NELL1: variants seen among roughly 807,000 people sequenced by gnomAD.
The protein encoded by NELL1 is protein kinase C-binding protein NELL1.
Under a neutral mutation model 107.4 loss-of-function variants are expected in NELL1, and 76 were observed. The observed-to-expected ratio is 0.71, with a 90% CI of 0.59 to 0.86. The LOEUF (loss-of-function observed/expected upper bound fraction) is 0.86, where lower values mean the gene tolerates loss of function less well. Ranked by LOEUF, NELL1 falls within the 40% of genes least tolerant of loss-of-function variation. NELL1 has a pLI of 0.00. For missense variants in NELL1, 1,024 were observed against 1,005.5 expected, an observed-to-expected ratio of 1.02 and a Z score of -0.25; for synonymous variants, 353 against 341.2, an observed-to-expected ratio of 1.03 and a Z score of -0.38.
At chr11:21,531,984 C>T (rs538345897) in intron 15 of NELL1, among the ~76,000 whole-genome samples, 11 of 152,154 alleles carry the variant, frequency 7.2e-5, no homozygotes, top group South Asian at 2.1e-4. Flanking sequence ...ACAGTGAAAA[C>T]GTGAGCCCCT....
chr11:20,673,953 A>G (rs1183141524), intron 1 of NELL1, among the ~76,000 whole-genome samples: 1 of 152,094 alleles, frequency 6.6e-6, no homozygotes, highest in Non-Finnish European at 1.5e-5. Flanking sequence ...GCAAAATGCT[A>G]TCCTTTATAC....
intron 5 of NELL1, among the ~76,000 whole-genome samples, chr11:20,891,704 G>A (rs1441186046): frequency 1.3e-5 from 2 of 152,104 alleles, no homozygotes. Flanking sequence ...AAAGGCAGGG[G>A]TTGGAATCCT....
intron 2 of NELL1, among the ~76,000 whole-genome samples, chr11:20,698,525 T>G (rs1854681753): frequency 6.6e-6 from 1 of 152,224 alleles, no homozygotes; most frequent in Non-Finnish European, 1.5e-5. Context: ...AATTGCTTCA[T>G]CTCTTAAATG....
chr11:21,287,298 A>C (rs1849146103), intron 14 of NELL1, among the ~76,000 whole-genome samples: 1 of 151,884 alleles, frequency 6.6e-6, no homozygotes, highest in African/African-American at 2.4e-5. Flanking sequence ...AATTTCTCTT[A>C]CTGCAAGTAT....
At chr11:21,365,050 T>C (rs1174943176) in intron 14 of NELL1, among the ~76,000 whole-genome samples, 2 of 152,210 alleles carry the variant, frequency 1.3e-5, no homozygotes, top group Non-Finnish European at 2.9e-5. Flanking sequence ...CCATCTCAAA[T>C]GCTAGCTGTT....
intron 4 of NELL1, among the ~76,000 whole-genome samples, chr11:20,851,335 T>A (rs1590348800): frequency 6.6e-6 from 1 of 152,326 alleles, no homozygotes; most frequent in Non-Finnish European, 1.5e-5. Context: ...TTTCTCCTTG[T>A]TTCAGCTGTT....
chr11:21,030,238 G>A (rs1852919931), intron 12 of NELL1, among the ~76,000 whole-genome samples: 1 of 152,152 alleles, frequency 6.6e-6, no homozygotes, highest in African/African-American at 2.4e-5. Flanking sequence ...AACTGTAGAT[G>A]GCCAGGAAGG....
intron 1 of NELL1, 71 bp from the exon 2 acceptor site, chr11:20,677,861 C>T (rs1027926992): frequency 4.0e-5 from 63 of 1,580,206 alleles, no homozygotes; most frequent in African/African-American, 2.2e-4. Context: ...TGCCACTCCC[C>T]GACTCTGTAA....
chr11:20,692,937 C>A (rs1238497119), intron 2 of NELL1, among the ~76,000 whole-genome samples: 1 of 152,098 alleles, frequency 6.6e-6, no homozygotes, highest in East Asian at 1.9e-4. Flanking sequence ...CTTTGTGGGT[C>A]ATTCAGGACT....
intron 16 of NELL1, among the ~76,000 whole-genome samples, chr11:21,540,306 C>A (rs1479053536): frequency 6.6e-6 from 1 of 152,104 alleles, no homozygotes; most frequent in East Asian, 1.9e-4. Context: ...TATGTTTGAA[C>A]CCATTGACCA....
At chr11:20,937,645 T>G (rs1850754587) in intron 9 of NELL1, 141 bp from the exon 10 acceptor site, 6 of 646,762 alleles carry the variant, frequency 9.3e-6, no homozygotes. Context: ...CACAATTCCT[T>G]TCACTTTAGA....
chr11:21,188,114 A>G (rs572696053), intron 13 of NELL1, among the ~76,000 whole-genome samples: 2 of 152,004 alleles, frequency 1.3e-5, no homozygotes, highest in African/African-American at 4.8e-5. Flanking sequence ...AAAGAATTGC[A>G]TCATCCCTTT....
chr11:21,528,502 C>A (rs1237785836), intron 15 of NELL1, among the ~76,000 whole-genome samples: 4 of 92,796 alleles, frequency 4.3e-5, no homozygotes, highest in Admixed American at 1.5e-4. Context: ...GATCTCTTTG[C>A]ACATACCCAC....
At chr11:21,123,940 T>A (rs74881891) in intron 13 of NELL1, among the ~76,000 whole-genome samples, 3 of 152,180 alleles carry the variant, frequency 2.0e-5, no homozygotes, top group Non-Finnish European at 2.9e-5. Context: ...TAAGCAAGTA[T>A]GTATTTTATT....
At chr11:21,501,992 C>T (rs550418403) in intron 15 of NELL1, among the ~76,000 whole-genome samples, 186 of 152,258 alleles carry the variant, frequency 1.2e-3, no homozygotes, top group African/African-American at 4.4e-3. Context: ...GTTACCATAG[C>T]TTTGAAATCC....
intron 10 of NELL1, 33 bp from the exon 11 acceptor site, chr11:20,947,303 C>T (rs746713500): frequency 5.5e-6 from 8 of 1,445,154 alleles, no homozygotes; most frequent in Middle Eastern, 1.8e-4. Context: ...AAAATGTGAA[C>T]ATCTTTTTCT....
intron 5 of NELL1, among the ~76,000 whole-genome samples, chr11:20,886,126 C>T (rs762686664): frequency 1.3e-5 from 2 of 151,952 alleles, no homozygotes; most frequent in Non-Finnish European, 2.9e-5. Flanking sequence ...AGAGAGGGAG[C>T]CATGGGCTGA....
At chr11:20,872,671 G>GGTGGGT (rs1554935709) in intron 4 of NELL1, among the ~76,000 whole-genome samples, 3 of 137,094 alleles carry the variant, frequency 2.2e-5, no homozygotes, top group African/African-American at 8.0e-5. Context: ...CAGTGTTTGA[G>GGTGGGT]GTGTGTGTGT....
At chr11:20,778,361 C>A (rs1490557824) in intron 2 of NELL1, among the ~76,000 whole-genome samples, 2 of 152,126 alleles carry the variant, frequency 1.3e-5, no homozygotes, top group East Asian at 3.9e-4. Context: ...TGCTTGTTGA[C>A]AATGAAATTC....
Sources: allele counts gnomAD v4.1 joint callset (sites outside exome capture counted in the v4.1 genomes callset), GRCh38; gene constraint gnomAD v4.1.1; transcripts MANE v1.5; gene names NCBI Gene and HGNC (gene_info 2026-07-23, HGNC 2026-07-21).